Variants in ST3GAL5 observed in about 807,000 individuals in gnomAD.
The protein encoded by ST3GAL5 is ST3 beta-galactoside alpha-2,3-sialyltransferase 5, also known as lactosylceramide alpha-2,3-sialyltransferase.
ST3GAL5 carries 25 observed loss-of-function variants against 46.1 expected under a neutral mutation model. The observed-to-expected ratio is 0.54, with a 90% CI of 0.40 to 0.76. The LOEUF is 0.76. Among genes scored for constraint, ST3GAL5 ranks in the 30% least tolerant of loss-of-function variants. The pLI is 0.00. For missense variants in ST3GAL5, 431 were observed against 521.2 expected (o/e 0.83, Z 1.69); for synonymous variants, 182 against 192.7 (o/e 0.94, Z 0.46).
intron 1 of ST3GAL5, 139 bp downstream of exon 1, chr2:85,888,685 G>A (rs544036585): frequency 1.0e-5 from 6 of 588,754 alleles, no homozygotes; most frequent in Non-Finnish European, 1.4e-5. Flanking sequence ...GCTCGCCTGA[G>A]GGTGTCGTGC....
intron 1 of ST3GAL5, among the ~76,000 whole-genome samples, chr2:85,880,380 C>T (rs1206002103): frequency 2.0e-5 from 3 of 152,246 alleles, no homozygotes; most frequent in African/African-American, 7.2e-5. Flanking sequence ...ATCTCTTTTA[C>T]TGTTGGCTCT....
At chr2:85,860,949 C>T (rs1684658349) in intron 3 of ST3GAL5, 1 of 526,322 alleles carries the variant, frequency 1.9e-6, no homozygotes, top group South Asian at 2.1e-5. Context: ...TTGAGCCCAC[C>T]TCATCCCACA....
intron 1 of ST3GAL5, among the ~76,000 whole-genome samples, chr2:85,874,416 T>C (rs1416288152): frequency 6.6e-6 from 1 of 152,052 alleles, no homozygotes; most frequent in Non-Finnish European, 1.5e-5. Context: ...CTTCCACCTA[T>C]CTCACACTCT....
intron 2 of ST3GAL5, among the ~76,000 whole-genome samples, chr2:85,861,797 A>G (rs773069737): frequency 3.9e-5 from 6 of 151,938 alleles, no homozygotes; most frequent in Non-Finnish European, 8.8e-5. Flanking sequence ...GATCTGATAA[A>G]TTCACACTAT....
chr2:85,847,504 G>T, intron 4 of ST3GAL5: 1 of 1,054,140 alleles, frequency 9.5e-7, no homozygotes, highest in Non-Finnish European at 1.1e-6. Context: ...ACTGTGAAGA[G>T]CTTCCTGTGT....
intron 1 of ST3GAL5, among the ~76,000 whole-genome samples, chr2:85,877,428 T>A (rs562051601): frequency 1.3e-5 from 2 of 152,382 alleles, no homozygotes; most frequent in South Asian, 4.1e-4. Context: ...AATTATTTTG[T>A]AGAAAGTCCC....
intron 1 of ST3GAL5, among the ~76,000 whole-genome samples, chr2:85,876,461 C>CTTTTT: frequency 3.9e-5 from 5 of 128,726 alleles, no homozygotes; most frequent in Non-Finnish European, 6.5e-5. Flanking sequence ...TTTTCTTTTT[C>CTTTTT]CTTTTTTTTT....
At position 85,844,481 on chromosome 2, in the gene ST3GAL5, A is replaced by G. The variant is rs372467220; in HGVS notation, c.923T>C (p.Ile308Thr). ...KIPLQPKHFRILNPVIIKETA... is the reference protein window; with the variant it reads ...KIPLQPKHFRTLNPVIIKETA... ...CTCTTTGATGATAACTGGATTCAAAATCCTGAAATGTTTTGGCTGCAGTGG... is the reference window on the plus strand; with the variant it reads ...CTCTTTGATGATAACTGGATTCAAAGTCCTGAAATGTTTTGGCTGCAGTGG... The change falls in exon 6 of 7, where the codon ATT (isoleucine) becomes ACT (threonine). Residue 308 changes from isoleucine to threonine, a missense_variant. Physicochemically the swap from Ile to Thr is moderately conservative, Grantham distance 89. Coordinates refer to ENST00000638572, the MANE Select transcript of ST3GAL5 (RefSeq NM_003896.4). The G allele has an allele frequency of 5.9e-5, 95 of 1,614,100 alleles. No individual in the cohort carries two copies. The highest frequency in any genetic ancestry group is 7.8e-5 in the Non-Finnish European group (92 of 1,180,042).
rs1308446771 is a variant in ST3GAL5 at position 85,838,668 on chromosome 2, G to A, written c.*1476C>T. Reference sequence around the variant, plus strand: ...CAGGAGACAGAAGGGACTCTGCTTTGAATGCTATGACCTGACTCCTGGCCC... The same window carrying A: ...CAGGAGACAGAAGGGACTCTGCTTTAAATGCTATGACCTGACTCCTGGCCC... On this transcript the variant is annotated 3_prime_UTR_variant, in exon 7 of 7. Coordinates refer to ENST00000638572, the MANE Select transcript of ST3GAL5 (RefSeq NM_003896.4). 6.6e-6 allele frequency: 1 copy of A among 152,530 alleles called. No homozygotes were observed. The highest frequency in any genetic ancestry group is 1.5e-5 in the Non-Finnish European group (1 of 68,076). The allele number at this position is 152,530 out of a possible 1,614,324, so 9.4% of individuals were successfully genotyped here.
intron 1 of ST3GAL5, among the ~76,000 whole-genome samples, chr2:85,865,474 G>A (rs1355696985): frequency 6.6e-6 from 1 of 152,098 alleles, no homozygotes; most frequent in East Asian, 1.9e-4. Context: ...TTCAATAAGT[G>A]TTGAGGGCCT....
Position 85,838,564 on chromosome 2 carries a change from C to T in ST3GAL5, c.*1580G>A, listed in dbSNP as rs1390249584. On this transcript the variant is annotated 3_prime_UTR_variant, in exon 7 of 7. Transcript: ENST00000638572. ...TATAGAGTAGGAAATAAAATTCATA[C>T]AAAATTATCTGTAAAGACACAAAAC... The T allele has an allele frequency of 6.6e-6, 1 of 152,172 alleles. No homozygotes were observed. The highest frequency in any genetic ancestry group is 1.5e-5 in the Non-Finnish European group (1 of 68,032). The allele number at this position is 152,172 out of a possible 1,614,324, so 9.4% of individuals were successfully genotyped here.
At chr2:85,851,446 C>A in intron 3 of ST3GAL5, 1 of 1,234,700 alleles carries the variant, frequency 8.1e-7, no homozygotes, top group Non-Finnish European at 1.0e-6. Context: ...AGAGAGCTCA[C>A]ACAGAACTCC....
chr2:85,867,795 C>G, intron 1 of ST3GAL5: 1 of 666,608 alleles, frequency 1.5e-6, no homozygotes, highest in East Asian at 2.8e-5. Context: ...AACGGCAAGA[C>G]TGTTTTGACC....
Position 85,838,352 on chromosome 2 carries a change from C to T in ST3GAL5, c.*1792G>A, listed in dbSNP as rs1681651876. ...AAGGAGGCGCTCGTAGCATTAAGAACGTTGTCTGAGGAAGTTCCGGCTTCT... is the reference window on the plus strand; with the variant it reads ...AAGGAGGCGCTCGTAGCATTAAGAATGTTGTCTGAGGAAGTTCCGGCTTCT... On this transcript the variant is annotated 3_prime_UTR_variant, in exon 7 of 7. Transcript: ENST00000638572. The T allele has an allele frequency of 1.3e-5, 2 of 152,116 alleles. No individual in the cohort carries two copies. Among genetic ancestry groups the T allele is most frequent in the Non-Finnish European group, 2.9e-5 (2 of 68,058 alleles). 9.4% of individuals were successfully genotyped at this position (152,116 alleles called of 1,614,324 possible).
chr2:85,873,404 C>A (rs1408955921), intron 1 of ST3GAL5, among the ~76,000 whole-genome samples: 1 of 152,032 alleles, frequency 6.6e-6, no homozygotes, highest in East Asian at 1.9e-4. Context: ...TGATGAAGGG[C>A]CCTGGAGGAT....
chr2:85,848,378 C>G, intron 3 of ST3GAL5, 174 bp from the exon 4 acceptor site: 1 of 1,549,802 alleles, frequency 6.5e-7, no homozygotes, highest in Non-Finnish European at 8.7e-7. Flanking sequence ...CTTGAAGAAA[C>G]AACCTGGGAG....
chr2:85,888,552 C>T (rs1409414490), intron 1 of ST3GAL5: 8 of 252,188 alleles, frequency 3.2e-5, no homozygotes, highest in Non-Finnish European at 5.3e-5. Context: ...GGGAAAGGGC[C>T]ACTGCGGCGG....
At chr2:85,878,919 G>A (rs1178035864) in intron 1 of ST3GAL5, among the ~76,000 whole-genome samples, 1 of 152,176 alleles carries the variant, frequency 6.6e-6, no homozygotes, top group African/African-American at 2.4e-5. Flanking sequence ...TCTGGAGACA[G>A]GACAGAGAGA....
At chr2:85,887,981 T>A (rs1020321787) in intron 1 of ST3GAL5, 1 of 152,262 alleles carries the variant, frequency 6.6e-6, no homozygotes, top group African/African-American at 2.4e-5. Flanking sequence ...GACATGAGGA[T>A]ATAAAATTCG....
Sources: allele counts gnomAD v4.1 joint callset (sites outside exome capture counted in the v4.1 genomes callset), GRCh38; gene constraint gnomAD v4.1.1; transcripts MANE v1.5; gene names NCBI Gene and HGNC (gene_info 2026-07-23, HGNC 2026-07-21).